The following TLE4 variants were observed in gnomAD, a reference collection of about 807,000 sequenced individuals.
The protein encoded by TLE4 is TLE family member 4, transcriptional corepressor.
A neutral mutation model predicts 92.8 loss-of-function variants in TLE4; 8 were observed. That is an observed-to-expected ratio of 0.09 (90% CI 0.05 to 0.16). The LOEUF (loss-of-function observed/expected upper bound fraction) is 0.16. Ranked by LOEUF, TLE4 falls within the 10% of genes least tolerant of loss-of-function variation. The pLI is 1.00. For missense variants in TLE4, 675 were observed against 997.6 expected (o/e 0.68, Z 4.36); for synonymous variants, 371 against 374.1 (o/e 0.99, Z 0.10).
intron 8 of TLE4, among the ~76,000 whole-genome samples, chr9:79,684,486 GTGAACTGTGCAATGCAGGGATCTA>G (rs2065387815): frequency 1.6e-5 from 1 of 63,714 alleles, no homozygotes; most frequent in Non-Finnish European, 4.8e-5. Context: ...GGGATCTATT[GTGAACTGTGCAATGCAGGGATCTA>G]GGTTGTACAC....
chr9:79,713,468 T>G (rs2073829746), intron 14 of TLE4, among the ~76,000 whole-genome samples: 1 of 152,166 alleles, frequency 6.6e-6, no homozygotes, highest in South Asian at 2.1e-4. Flanking sequence ...GTGTGTGTGT[T>G]CGTGTTGAGA....
Position 79,606,644 on chromosome 9 carries a change from G to T in TLE4, c.253-6012G>T, listed in dbSNP as rs565736058. 2.9e-3 allele frequency among the ~76,000 whole-genome samples: 447 copies of T among 152,044 alleles called. 5 individuals carry two copies. Among genetic ancestry groups the T allele is most frequent in the Non-Finnish European group, 2.0e-3 (134 of 67,984 alleles). The stretch of plus-strand genomic sequence containing the variant: ...ATGTGGTGTCTGGTTTTCTGTCCTT[G>T]TGATAGTTTGCTTAGAATGATGATT... On this transcript the variant is annotated intron_variant, in intron 4 of 19. Transcript: ENST00000376552.
chr9:79,713,465 T>C (rs972351043), intron 14 of TLE4, among the ~76,000 whole-genome samples: 1 of 152,188 alleles, frequency 6.6e-6, no homozygotes, highest in Admixed American at 6.5e-5. Context: ...GTGGTGTGTG[T>C]GTTCGTGTTG....
intron 8 of TLE4, among the ~76,000 whole-genome samples, chr9:79,695,349 T>TCACACACA (rs66493129): frequency 9.7e-5 from 4 of 41,084 alleles, no homozygotes; most frequent in South Asian, 3.5e-3. Context: ...CAAATGCATA[T>TCACACACA]CTCACACACA....
chr9:79,582,243 T>G (rs1330117136), intron 4 of TLE4, among the ~76,000 whole-genome samples: 1 of 152,218 alleles, frequency 6.6e-6, no homozygotes, highest in Non-Finnish European at 1.5e-5. Context: ...GATGTTTTGC[T>G]TTTACTGTTA....
rs967248774 is a variant in TLE4 at position 79,719,919 on chromosome 9, A to G, written c.1591-127A>G. On this transcript the variant is annotated intron_variant, in intron 15 of 19. Coordinates refer to ENST00000376552, the MANE Select transcript of TLE4 (RefSeq NM_007005.6). ...TTTTCTAGCATTAATCCACTTTATC[A>G]TTGTCATAAGTATAAACGGCTCATT... is the stretch of plus-strand genomic sequence containing the variant. 1.3e-4 allele frequency: 167 copies of G among 1,239,914 alleles called. 2 individuals are homozygous for G. Among genetic ancestry groups the G allele is most frequent in the Non-Finnish European group, 1.8e-4 (162 of 907,220 alleles). 76.8% of individuals were successfully genotyped at this position (1,239,914 alleles called of 1,614,324 possible).
chr9:79,703,791 A>G (rs538597037), intron 8 of TLE4, among the ~76,000 whole-genome samples: 20 of 152,216 alleles, frequency 1.3e-4, no homozygotes, highest in Admixed American at 3.9e-4. Flanking sequence ...AATAATACGC[A>G]TTTCTGCAGG....
At chr9:79,610,299 C>T (rs2048070907) in intron 4 of TLE4, among the ~76,000 whole-genome samples, 1 of 152,026 alleles carries the variant, frequency 6.6e-6, no homozygotes, top group Admixed American at 6.6e-5. Context: ...GTTTGGGCCC[C>T]ACGCCATTAT....
In TLE4 at chr9:79,671,925, T is replaced by TA. The variant is rs199524403; in HGVS notation, c.609+17864dup. Among the ~76,000 whole-genome samples the TA allele has an allele frequency of 9.1e-3, 1,180 of 129,596 alleles. 13 individuals carry two copies. Among genetic ancestry groups the TA allele is most frequent in the Non-Finnish European group, 0.013 (801 of 61,672 alleles). The allele number at this position is 129,596 out of a possible 152,430, so 85.0% of individuals were successfully genotyped here. ...TGAAGATTAGCCTCAGTTTCTCCGT[T>TA]AAAAAAAAAAAAAAGTCAGTCTGGA... is the stretch of plus-strand genomic sequence containing the variant. On this transcript the variant is annotated intron_variant, in intron 8 of 19. Coordinates refer to ENST00000376552, the MANE Select transcript of TLE4 (RefSeq NM_007005.6).
chr9:79,704,875 T>C lies in TLE4; in HGVS notation c.702T>C (p.Thr234=). ...CCTCAGAGAGCAAAAAGCAGAAAAC[T>C]GAAGAAAAGGAAATTGCAGCTCGTT... ...DYSSESKKQK[T]EEKEIAARYD... The change falls in exon 9 of 20, where the codon ACT becomes ACC. Residue 234 remains threonine (T), a synonymous_variant. Coordinates refer to ENST00000376552, the MANE Select transcript of TLE4 (RefSeq NM_007005.6). 1.9e-6 allele frequency: 3 copies of C among 1,614,070 alleles called. No individual in the cohort carries two copies. The highest frequency in any genetic ancestry group is 2.2e-5 in the East Asian group (1 of 44,860).
At chr9:79,719,254 T>C (rs142980323) in intron 15 of TLE4, among the ~76,000 whole-genome samples, 1 of 152,194 alleles carries the variant, frequency 6.6e-6, no homozygotes, top group East Asian at 1.9e-4. Flanking sequence ...TTAAGCAAAC[T>C]AAGAGCCCAT....
chr9:79,678,146 A>G (rs946081859), intron 8 of TLE4, among the ~76,000 whole-genome samples: 1 of 152,126 alleles, frequency 6.6e-6, no homozygotes, highest in African/African-American at 2.4e-5. Flanking sequence ...AAAATCATGC[A>G]TAGCCTCATC....
chr9:79,577,809 A>G (rs557155075), intron 4 of TLE4, among the ~76,000 whole-genome samples: 8 of 152,228 alleles, frequency 5.3e-5, no homozygotes, highest in South Asian at 4.1e-4. Flanking sequence ...TCCTTGTACC[A>G]TCTACATTTC....
intron 6 of TLE4, among the ~76,000 whole-genome samples, chr9:79,633,723 T>C (rs1427944606): frequency 6.6e-6 from 1 of 152,182 alleles, no homozygotes; most frequent in Non-Finnish European, 1.5e-5. Flanking sequence ...CTTTTGTAAT[T>C]CTCTGATGAT....
intron 14 of TLE4, among the ~76,000 whole-genome samples, chr9:79,714,768 G>A (rs1021259461): frequency 3.3e-5 from 5 of 152,184 alleles, no homozygotes; most frequent in African/African-American, 1.2e-4. Context: ...TTAGCATGAC[G>A]TTTGCGTCAG....
chr9:79,665,859 C>G (rs1024789592), intron 8 of TLE4, among the ~76,000 whole-genome samples: 1 of 152,062 alleles, frequency 6.6e-6, no homozygotes, highest in African/African-American at 2.4e-5. Flanking sequence ...TTTCTTCTTT[C>G]AAGAGTATTT....
intron 4 of TLE4, among the ~76,000 whole-genome samples, chr9:79,583,210 G>A (rs1393033402): frequency 3.3e-5 from 5 of 151,982 alleles, no homozygotes; most frequent in African/African-American, 9.7e-5. Flanking sequence ...CTATATCATT[G>A]ACCCAAAACT....
chr9:79,623,301 G>A, intron 5 of TLE4, among the ~76,000 whole-genome samples: 1 of 151,950 alleles, frequency 6.6e-6, no homozygotes, highest in East Asian at 1.9e-4. Context: ...GGCATGACAG[G>A]TATTCTCATC....
chr9:79,646,495 A>G lies in TLE4; in HGVS notation c.391-6098A>G, dbSNP rs569479041. Among the ~76,000 whole-genome samples the G allele has an allele frequency of 1.4e-4, 22 of 152,322 alleles. No homozygotes were observed. In the East Asian group the frequency reaches 3.9e-3, roughly 27 times the overall value. On this transcript the variant is annotated intron_variant, in intron 6 of 19. Transcript: ENST00000376552. ...TTAATGAATTCTTGACATTTGATAA[A>G]TTAAGGCCATTTATTTTAGCAGAGA...
Sources: gnomAD v4.1 joint callset for allele counts (sites outside exome capture counted in the v4.1 genomes callset) on GRCh38, gnomAD v4.1.1 for gene constraint, MANE v1.5 for transcripts, NCBI Gene and HGNC (gene_info 2026-07-23, HGNC 2026-07-21) for gene names.